RALYL: variants seen among roughly 807,000 people sequenced by gnomAD.
RALYL encodes RALY RNA binding protein like, also known as RNA-binding Raly-like protein.
In RALYL, 29 loss-of-function variants were observed where a neutral mutation model predicts 35.1. The ratio of observed to expected loss-of-function variants is 0.83; its 90% CI spans 0.61 to 1.13. The LOEUF is 1.13. RALYL is among the 50% of genes most tolerant of loss of function. The pLI, the probability that RALYL is intolerant of heterozygous loss-of-function variation, is 0.00. For missense variants in RALYL, 359 were observed against 360.4 expected (o/e 1.00, Z 0.03); for synonymous variants, 120 against 127.6 (o/e 0.94, Z 0.40).
chr8:84,490,420 T>G (rs1337911074), intron 1 of RALYL, among the ~76,000 whole-genome samples: 1 of 152,030 alleles, frequency 6.6e-6, no homozygotes, highest in East Asian at 1.9e-4. Context: ...AAGAAAAGAT[T>G]GAAGGTTGTT....
At chr8:84,236,664 C>T (rs1826632444) in intron 1 of RALYL, among the ~76,000 whole-genome samples, 1 of 152,150 alleles carries the variant, frequency 6.6e-6, no homozygotes, top group Non-Finnish European at 1.5e-5. Context: ...CAGACACAGA[C>T]ATTGTAAGGG....
chr8:84,537,665 A>G (rs1020568616), intron 2 of RALYL, among the ~76,000 whole-genome samples: 2 of 152,122 alleles, frequency 1.3e-5, no homozygotes, highest in African/African-American at 4.8e-5. Context: ...TTTTATTTAT[A>G]TATCATTTTT....
intron 1 of RALYL, among the ~76,000 whole-genome samples, chr8:84,464,852 A>G (rs868264400): frequency 0.019 from 2,719 of 142,306 alleles, 74 homozygotes; most frequent in African/African-American, 0.068. Flanking sequence ...GTGAGATGGT[A>G]TCTCATTGTG....
At chr8:84,336,968 A>G (rs1207291685) in intron 1 of RALYL, among the ~76,000 whole-genome samples, 3 of 151,222 alleles carry the variant, frequency 2.0e-5, no homozygotes, top group Non-Finnish European at 4.4e-5. Context: ...GGAAATCTGC[A>G]CACTACTAGT....
At chr8:84,582,862 T>A (rs1482483649) in intron 2 of RALYL, among the ~76,000 whole-genome samples, 1 of 148,578 alleles carries the variant, frequency 6.7e-6, no homozygotes, top group Non-Finnish European at 1.5e-5. Flanking sequence ...ATGCTATAGA[T>A]TTATGTCTCA....
At chr8:84,824,457 A>G (rs1829217540) in intron 4 of RALYL, among the ~76,000 whole-genome samples, 1 of 152,212 alleles carries the variant, frequency 6.6e-6, no homozygotes, top group Non-Finnish European at 1.5e-5. Context: ...CTATAGATCC[A>G]GCACTATTCC....
intron 3 of RALYL, among the ~76,000 whole-genome samples, chr8:84,782,347 C>A (rs2133730495): frequency 6.6e-6 from 1 of 152,282 alleles, no homozygotes; most frequent in Non-Finnish European, 1.5e-5. Context: ...GCTTGAATGT[C>A]TAGAACCTGT....
chr8:84,410,845 G>A (rs2044027186), intron 1 of RALYL, among the ~76,000 whole-genome samples: 3 of 151,782 alleles, frequency 2.0e-5, no homozygotes, highest in South Asian at 2.1e-4. Flanking sequence ...ACTATTAAGA[G>A]TGAATAAGAG....
chr8:84,418,817 A>C (rs2132324974), intron 1 of RALYL, among the ~76,000 whole-genome samples: 1 of 152,108 alleles, frequency 6.6e-6, no homozygotes, highest in South Asian at 2.1e-4. Flanking sequence ...CCCTCCACAA[A>C]CCAACCTCTT....
intron 1 of RALYL, among the ~76,000 whole-genome samples, chr8:84,271,894 C>T (rs28896010): frequency 0.65 from 98,998 of 151,670 alleles, 32,932 homozygotes; most frequent in African/African-American, 0.78. Context: ...TTTAAAATTG[C>T]ATTGTGATAA....
chr8:84,857,641 C>A (rs948113297), intron 5 of RALYL, among the ~76,000 whole-genome samples: 2 of 151,926 alleles, frequency 1.3e-5, no homozygotes, highest in Non-Finnish European at 2.9e-5. Context: ...GAGAAAATGC[C>A]CCACAGCCAT....
At chr8:84,353,026 C>A (rs767800205) in intron 1 of RALYL, among the ~76,000 whole-genome samples, 2 of 150,212 alleles carry the variant, frequency 1.3e-5, no homozygotes, top group African/African-American at 5.0e-5. Flanking sequence ...AGGACACCTG[C>A]GGACTTGAAA....
At chr8:84,843,540 G>T (rs907803025) in intron 4 of RALYL, among the ~76,000 whole-genome samples, 2 of 152,150 alleles carry the variant, frequency 1.3e-5, no homozygotes, top group African/African-American at 4.8e-5. Context: ...TGGCCATACT[G>T]CCCAAGGTAA....
intron 2 of RALYL, among the ~76,000 whole-genome samples, chr8:84,723,697 G>A (rs1275906708): frequency 1.3e-5 from 2 of 151,830 alleles, no homozygotes; most frequent in Non-Finnish European, 2.9e-5. Context: ...TGTTGTCACT[G>A]AAAAGTTAAG....
chr8:84,593,179 T>G (rs925214273), intron 2 of RALYL, among the ~76,000 whole-genome samples: 1 of 152,062 alleles, frequency 6.6e-6, no homozygotes, highest in Non-Finnish European at 1.5e-5. Context: ...TAGTCCCTTC[T>G]TCACCAACAA....
chr8:84,639,573 A>T (rs1825886283), intron 2 of RALYL, among the ~76,000 whole-genome samples: 2 of 151,950 alleles, frequency 1.3e-5, no homozygotes, highest in African/African-American at 4.8e-5. Flanking sequence ...GGGTCCATTC[A>T]GTCTGCTGGG....
At chr8:84,219,250 T>C (rs1821598922) in intron 1 of RALYL, among the ~76,000 whole-genome samples, 1 of 152,044 alleles carries the variant, frequency 6.6e-6, no homozygotes, top group Non-Finnish European at 1.5e-5. Context: ...GTTCTTGTGA[T>C]AGTGAGTTCT....
chr8:84,780,850 G>GT (rs1348366707), intron 3 of RALYL, among the ~76,000 whole-genome samples: 1 of 152,024 alleles, frequency 6.6e-6, no homozygotes, highest in Non-Finnish European at 1.5e-5. Context: ...GGTTTTTCTT[G>GT]TTTTTTGTTT....
chr8:84,218,295 T>A (rs1276363550), intron 1 of RALYL, among the ~76,000 whole-genome samples: 1 of 152,020 alleles, frequency 6.6e-6, no homozygotes, highest in Non-Finnish European at 1.5e-5. Flanking sequence ...CCAGTTACAC[T>A]ATCCCAGCAG....
Sources: allele counts gnomAD v4.1 joint callset (sites outside exome capture counted in the v4.1 genomes callset), GRCh38; gene constraint gnomAD v4.1.1; transcripts MANE v1.5; gene names NCBI Gene and HGNC (gene_info 2026-07-23, HGNC 2026-07-21).